CFAP221: variants seen among roughly 807,000 people sequenced by gnomAD.
CFAP221 encodes cilia and flagella associated protein 221.
In CFAP221, 97 loss-of-function variants were observed where a neutral mutation model predicts 113.1. The ratio of observed to expected loss-of-function variants is 0.86; its 90% confidence interval spans 0.73 to 1.02. The LOEUF is 1.02. Among genes scored for constraint, CFAP221 ranks in the 50% least tolerant of loss-of-function variants. The pLI, the probability that CFAP221 is intolerant of heterozygous loss-of-function variation, is 0.00. For synonymous variants in CFAP221, 331 were observed against 354.4 expected, an observed-to-expected ratio of 0.93 and a Z score of 0.74; for missense variants, 1,025 against 1,013.4, an observed-to-expected ratio of 1.01 and a Z score of -0.16.
At chr2:119,634,436 C>T (rs532125112) in intron 19 of CFAP221, among the ~76,000 whole-genome samples, 18 of 152,234 alleles carry the variant, frequency 1.2e-4, no homozygotes, top group East Asian at 3.9e-4. Flanking sequence ...CACTGCACTC[C>T]GGCCTGGGTG....
intron 11 of CFAP221, among the ~76,000 whole-genome samples, chr2:119,605,625 G>A (rs556182087): frequency 1.3e-5 from 2 of 152,292 alleles, no homozygotes; most frequent in East Asian, 3.9e-4. Flanking sequence ...CTCACCAGGA[G>A]CCCCTGTGCC....
At chr2:119,607,299 GGTTT>G (rs888312070) in intron 11 of CFAP221, among the ~76,000 whole-genome samples, 21 of 152,186 alleles carry the variant, frequency 1.4e-4, no homozygotes, top group Non-Finnish European at 2.6e-4. Flanking sequence ...GCCCATACCT[GGTTT>G]GTTTTTGTTT....
chr2:119,551,555 TC>T (rs1680434660), intron 3 of CFAP221, among the ~76,000 whole-genome samples: 1 of 152,198 alleles, frequency 6.6e-6, no homozygotes, highest in Non-Finnish European at 1.5e-5. Context: ...TTGCTGAAAA[TC>T]AATTTACTGT....
chr2:119,596,084 C>T (rs768291218), intron 7 of CFAP221, among the ~76,000 whole-genome samples: 12 of 152,012 alleles, frequency 7.9e-5, no homozygotes, highest in Admixed American at 7.9e-4. Flanking sequence ...TGGGAGTCTA[C>T]TGGAGAGTTT....
chr2:119,659,168 TGTATCC>T (rs1209462584), downstream of CFAP221, among the ~76,000 whole-genome samples: 3 of 152,228 alleles, frequency 2.0e-5, no homozygotes, highest in Non-Finnish European at 4.4e-5. Context: ...TGTTGCTTGG[TGTATCC>T]GTAAAGTAAC....
chr2:119,620,908 C>A (rs1244620421), intron 14 of CFAP221, among the ~76,000 whole-genome samples: 3 of 150,806 alleles, frequency 2.0e-5, no homozygotes, highest in African/African-American at 7.3e-5. Flanking sequence ...ATTTACCCAG[C>A]AAATGGAAAG....
chr2:119,570,693 T>C (rs2104568428), intron 6 of CFAP221, among the ~76,000 whole-genome samples: 1 of 152,366 alleles, frequency 6.6e-6, no homozygotes, highest in East Asian at 1.9e-4. Flanking sequence ...TTGTAGCTTA[T>C]CCAACTCAAA....
At chr2:119,559,848 T>C (rs1344347228) in intron 4 of CFAP221, 73 bp downstream of exon 4, 1 of 1,469,718 alleles carries the variant, frequency 6.8e-7, no homozygotes, top group Non-Finnish European at 9.2e-7. Context: ...GGGTGGGGGG[T>C]GTGTGGTGTG....
intron 7 of CFAP221, among the ~76,000 whole-genome samples, chr2:119,595,801 G>C (rs1227789755): frequency 6.6e-6 from 1 of 152,044 alleles, no homozygotes; most frequent in Non-Finnish European, 1.5e-5. Context: ...TCTCAACTTG[G>C]TGGTCGAGAA....
chr2:119,583,533 A>C (rs1682993840), intron 6 of CFAP221, among the ~76,000 whole-genome samples: 1 of 152,108 alleles, frequency 6.6e-6, no homozygotes, highest in Admixed American at 6.5e-5. Context: ...CAACCCATAA[A>C]AGACTTTAGC....
At chr2:119,566,310 C>T (rs1302014182) in intron 6 of CFAP221, among the ~76,000 whole-genome samples, 2 of 152,208 alleles carry the variant, frequency 1.3e-5, no homozygotes, top group Non-Finnish European at 2.9e-5. Flanking sequence ...TTACCATGCA[C>T]TAACAATTCT....
chr2:119,641,903 G>A lies in CFAP221; in HGVS notation c.2225+2031G>A, dbSNP rs759560548. ...AAAATGAGGAATGGTGAGAAGTGGC[G>A]ACCCGCTGACCATGTCCACCCGTTG... On this transcript the variant is annotated intron_variant, in intron 21 of 23. Transcript: ENST00000413369. Among the ~76,000 whole-genome samples the A allele has an allele frequency of 8.7e-4, 133 of 152,112 alleles. 2 individuals carry two copies. The highest frequency in any genetic ancestry group is 3.2e-4 in the Non-Finnish European group (22 of 68,022).
chr2:119,546,994 C>A (rs1404726306), intron 2 of CFAP221, among the ~76,000 whole-genome samples: 1 of 152,174 alleles, frequency 6.6e-6, no homozygotes, highest in African/African-American at 2.4e-5. Context: ...CACATTATTT[C>A]CCCAACATGG....
chr2:119,624,659 G>A (rs1210248916), intron 14 of CFAP221, among the ~76,000 whole-genome samples: 11 of 152,174 alleles, frequency 7.2e-5, no homozygotes, highest in South Asian at 2.1e-4. Context: ...AGAAAATGTG[G>A]CACATATACA....
At chr2:119,580,141 A>T (rs993774065) in intron 6 of CFAP221, 1 of 152,202 alleles carries the variant, frequency 6.6e-6, no homozygotes, top group Non-Finnish European at 1.5e-5. Flanking sequence ...AGCACCTGTT[A>T]GCATGAATTG....
chr2:119,658,793 C>A (rs908982463), downstream of CFAP221, among the ~76,000 whole-genome samples: 1 of 151,962 alleles, frequency 6.6e-6, no homozygotes, highest in East Asian at 1.9e-4. Context: ...CCAGCCTGGG[C>A]AACATGGCAA....
intron 7 of CFAP221, among the ~76,000 whole-genome samples, chr2:119,599,527 G>A (rs1311857086): frequency 1.3e-5 from 2 of 152,152 alleles, no homozygotes; most frequent in African/African-American, 4.8e-5. Flanking sequence ...ATTTCCGGGA[G>A]TAGGATGAAG....
At chr2:119,610,906 A>G (rs989069000) in intron 12 of CFAP221, among the ~76,000 whole-genome samples, 3 of 152,290 alleles carry the variant, frequency 2.0e-5, no homozygotes, top group Admixed American at 6.5e-5. Context: ...GCAGACACAT[A>G]TAGACACTGA....
chr2:119,623,979 A>G (rs1299484345), intron 14 of CFAP221, among the ~76,000 whole-genome samples: 1 of 152,198 alleles, frequency 6.6e-6, no homozygotes, highest in Non-Finnish European at 1.5e-5. Flanking sequence ...CATGACTAAA[A>G]CACCAAAAGC....
Sources: gnomAD v4.1 joint callset for allele counts (sites outside exome capture counted in the v4.1 genomes callset) on GRCh38, gnomAD v4.1.1 for gene constraint, MANE v1.5 for transcripts, NCBI Gene and HGNC (gene_info 2026-07-23, HGNC 2026-07-21) for gene names.